FARP1: variants seen among roughly 807,000 people sequenced by gnomAD.
FARP1 encodes the protein FERM, ARH/RhoGEF and pleckstrin domain protein 1.
In FARP1, 52 loss-of-function variants were observed where a neutral mutation model predicts 128.8. The observed-to-expected ratio is 0.40, with a 90% confidence interval of 0.32 to 0.51. The LOEUF (loss-of-function observed/expected upper bound fraction) is 0.51, where lower values mean the gene tolerates loss of function less well. Ranked by LOEUF, FARP1 falls within the 20% of genes least tolerant of loss-of-function variation. The pLI is 0.45. For synonymous variants in FARP1, 580 were observed against 551.8 expected, an observed-to-expected ratio of 1.05 and a Z score of -0.72; for missense variants, 1,333 against 1,367.9, an observed-to-expected ratio of 0.97 and a Z score of 0.40.
chr13:98,448,266 C>G lies in FARP1; in HGVS notation c.3087C>G (p.Ser1029Arg). 2 of 1,614,130 alleles carry G rather than the reference C, an allele frequency of 1.2e-6. No individual in the cohort carries two copies. The highest frequency in any genetic ancestry group is 1.7e-6 in the Non-Finnish European group (2 of 1,179,954). The change falls in exon 27 of 27, where the codon AGC (serine) becomes AGG (arginine). Residue 1029 changes from serine to arginine, a missense_variant. This residue lies in a region of FARP1 where 1,009 missense variants were observed against 969.8 expected (regional missense o/e 1.04). Transcript: ENST00000319562. Reference sequence around the variant, plus strand: ...TGGAAGTGATCCGCAGTGCCACCAGCTCTGCCTCGCGACCCCACGTGTTGA... The same window carrying G: ...TGGAAGTGATCCGCAGTGCCACCAGGTCTGCCTCGCGACCCCACGTGTTGA... Reference protein sequence around the residue: ...RWMEVIRSATSSASRPHVLSH... With the variant: ...RWMEVIRSATRSASRPHVLSH...
chr13:98,251,141 T>G (rs958462994), intron 2 of FARP1, among the ~76,000 whole-genome samples: 2 of 152,244 alleles, frequency 1.3e-5, no homozygotes, highest in Non-Finnish European at 2.9e-5. Context: ...TAAAGAATAT[T>G]AAATCTTATT....
rs1016332667 is a variant in FARP1 at position 98,431,595 on chromosome 13, A to G, written c.2143+315A>G. 9 of 196,446 alleles carry G rather than the reference A, an allele frequency of 4.6e-5. No homozygotes were observed. In the South Asian group the frequency reaches 5.0e-4, roughly 11 times the overall value. 12.2% of individuals were successfully genotyped at this position (196,446 alleles called of 1,614,324 possible). On this transcript the variant is annotated intron_variant, in intron 18 of 26. Transcript: ENST00000319562. ...TCCTGCCTCAGCCTCTGGAGCAGCT[A>G]GGATTACAGGCGCCCGCCACCACGC...
chr13:98,241,791 T>C (rs1251684257), intron 2 of FARP1, among the ~76,000 whole-genome samples: 1 of 152,042 alleles, frequency 6.6e-6, no homozygotes, highest in East Asian at 1.9e-4. Flanking sequence ...TGGTGGTGCA[T>C]GCCTGTGATC....
chr13:98,423,583 C>T (rs985285841), intron 16 of FARP1, among the ~76,000 whole-genome samples: 3 of 152,186 alleles, frequency 2.0e-5, no homozygotes, highest in Non-Finnish European at 4.4e-5. Flanking sequence ...CAGCTATGCA[C>T]TGGCACAACG....
chr13:98,167,950 A>G (rs965009421), intron 1 of FARP1, among the ~76,000 whole-genome samples: 2 of 151,574 alleles, frequency 1.3e-5, no homozygotes, highest in Non-Finnish European at 2.9e-5. Context: ...AGGTGGGTGG[A>G]TCACGAGGTC....
At chr13:98,269,122 T>C (rs189489577) in intron 2 of FARP1, among the ~76,000 whole-genome samples, 1 of 152,298 alleles carries the variant, frequency 6.6e-6, no homozygotes, top group African/African-American at 2.4e-5. Context: ...TTACTGGCTT[T>C]GTTTTAATAT....
chr13:98,360,090 C>CTTTTTTTTTT (rs55859311), intron 3 of FARP1, among the ~76,000 whole-genome samples: 1 of 104,604 alleles, frequency 9.6e-6, no homozygotes. Flanking sequence ...GATTGTGTTG[C>CTTTTTTTTTT]TTTTTTTTTT....
chr13:98,292,736 C>T (rs192817371), intron 2 of FARP1, among the ~76,000 whole-genome samples: 43 of 151,810 alleles, frequency 2.8e-4, no homozygotes, highest in African/African-American at 9.4e-4. Flanking sequence ...GTTGTCCAGC[C>T]CAAAGCCTGA....
At chr13:98,351,998 A>T (rs1888453997) in intron 3 of FARP1, among the ~76,000 whole-genome samples, 1 of 152,164 alleles carries the variant, frequency 6.6e-6, no homozygotes, top group Non-Finnish European at 1.5e-5. Context: ...CATAGAAATA[A>T]TATGTTTCAA....
chr13:98,439,190 C>T lies in FARP1; in HGVS notation c.2427C>T (p.Gly809=), dbSNP rs1392419848. Residue 809 remains glycine, a synonymous_variant, in exon 21 of 27, where the codon GGC becomes GGT. Transcript: ENST00000319562. The part of the protein sequence containing the change: ...FKVHGQLPLY[G]MTIEESEDEW... ...TCCACGGGCAGCTCCCGCTCTATGG[C>T]ATGACGGTGAGTACAGCACAGGCTC... 1.2e-6 allele frequency: 2 copies of T among 1,611,654 alleles called. No individual in the cohort carries two copies. Among genetic ancestry groups the T allele is most frequent in the Non-Finnish European group, 1.7e-6 (2 of 1,178,238 alleles).
chr13:98,200,394 C>G (rs867902610), intron 1 of FARP1, among the ~76,000 whole-genome samples: 13 of 147,014 alleles, frequency 8.8e-5, no homozygotes, highest in East Asian at 4.1e-4. Flanking sequence ...TTCACCCCCC[C>G]CCCCTCCCCT....
intron 3 of FARP1, among the ~76,000 whole-genome samples, chr13:98,362,494 G>A (rs973483321): frequency 2.0e-5 from 3 of 152,180 alleles, no homozygotes; most frequent in Admixed American, 6.5e-5. Context: ...ATCCCATGAT[G>A]TCCATGACAC....
chr13:98,231,060 C>T (rs1027844301), intron 2 of FARP1, among the ~76,000 whole-genome samples: 15 of 152,070 alleles, frequency 9.9e-5, no homozygotes, highest in Non-Finnish European at 1.8e-4. Context: ...GGAACTGCCC[C>T]CCCCATAATT....
At chr13:98,334,085 T>G (rs566257800) in intron 2 of FARP1, 1 of 143,990 alleles carries the variant, frequency 6.9e-6, no homozygotes, top group East Asian at 2.0e-4. Context: ...TGGTTCAATC[T>G]TTACGTCCAT....
At chr13:98,218,953 C>T (rs1162679882) in intron 2 of FARP1, among the ~76,000 whole-genome samples, 5 of 152,222 alleles carry the variant, frequency 3.3e-5, no homozygotes, top group Admixed American at 6.5e-5. Context: ...GTGTCAGAAT[C>T]GCCTGTGCTA....
At chr13:98,145,680 T>C (rs1875482638) in intron 1 of FARP1, among the ~76,000 whole-genome samples, 2 of 152,086 alleles carry the variant, frequency 1.3e-5, no homozygotes, top group South Asian at 2.1e-4. Flanking sequence ...CTGGCTAATA[T>C]GGTGAAACCC....
intron 17 of FARP1, among the ~76,000 whole-genome samples, chr13:98,427,049 A>T (rs1047925893): frequency 1.4e-4 from 22 of 151,962 alleles, no homozygotes; most frequent in African/African-American, 5.3e-4. Flanking sequence ...ACCAATACTG[A>T]CAAGGTTGAC....
intron 16 of FARP1, among the ~76,000 whole-genome samples, chr13:98,421,797 G>A (rs1420247389): frequency 6.6e-6 from 1 of 151,994 alleles, no homozygotes. Context: ...AGGCTGCAGT[G>A]AGCTATGATG....
At chr13:98,385,330 T>C (rs597455) in intron 7 of FARP1, among the ~76,000 whole-genome samples, 35,803 of 152,150 alleles carry the variant, frequency 0.24, 4,733 homozygotes, top group African/African-American at 0.36. Context: ...GTTTAGGTTA[T>C]TGAAAGCAAC....
Sources: allele counts gnomAD v4.1 joint callset (sites outside exome capture counted in the v4.1 genomes callset), GRCh38; gene constraint gnomAD v4.1.1; regional missense constraint gnomAD v4.1.1; transcripts MANE v1.5; gene names NCBI Gene and HGNC (gene_info 2026-07-23, HGNC 2026-07-21).